The following SAMD4A variants were observed in gnomAD, a reference collection of about 807,000 sequenced individuals.
The protein encoded by SAMD4A is protein Smaug homolog 1.
SAMD4A carries 33 observed loss-of-function variants against 81.3 expected under a neutral mutation model. The ratio of observed to expected loss-of-function variants is 0.41; its 90% CI spans 0.31 to 0.54. SAMD4A has a LOEUF of 0.54. SAMD4A is among the 20% of genes least tolerant of loss of function. The pLI, the probability that SAMD4A is intolerant of heterozygous loss-of-function variation, is 0.37. For missense variants in SAMD4A, 854 were observed against 951.1 expected, an observed-to-expected ratio of 0.90 and a Z score of 1.34; for synonymous variants, 389 against 382.1, an observed-to-expected ratio of 1.02 and a Z score of -0.21.
At chr14:54,633,250 G>A (rs541907772) in intron 2 of SAMD4A, among the ~76,000 whole-genome samples, 8 of 152,288 alleles carry the variant, frequency 5.3e-5, no homozygotes, top group South Asian at 2.1e-4. Context: ...AGCCAGCCAC[G>A]TAAGATCTGG....
intron 2 of SAMD4A, among the ~76,000 whole-genome samples, chr14:54,615,727 T>A (rs946640288): frequency 6.6e-6 from 1 of 152,258 alleles, no homozygotes; most frequent in Non-Finnish European, 1.5e-5. Flanking sequence ...GTTCTCTATT[T>A]TAATGTTTAC....
At chr14:54,575,973 G>A (rs1487903881) in intron 2 of SAMD4A, among the ~76,000 whole-genome samples, 1 of 144,198 alleles carries the variant, frequency 6.9e-6, no homozygotes, top group South Asian at 2.3e-4. Context: ...GGAAAATGAG[G>A]CTCCAGGAAA....
At chr14:54,719,646 G>A (rs569972605) in intron 3 of SAMD4A, among the ~76,000 whole-genome samples, 12 of 152,310 alleles carry the variant, frequency 7.9e-5, no homozygotes, top group African/African-American at 2.6e-4. Flanking sequence ...ATATCAAGCT[G>A]TGGTTCAGAG....
At position 54,646,806 on chromosome 14, in the gene SAMD4A, G is replaced by C. The variant is rs566270449; in HGVS notation, c.197-55256G>C. 1.8e-4 allele frequency among the ~76,000 whole-genome samples: 27 copies of C among 152,320 alleles called. No homozygotes were observed. The South Asian group carries it at 5.4e-3, about 30-fold the overall frequency. ...GTTTTGTTTTTCAAATTTTTAAAAA[G>C]ACTAGTATGATTAGTTGTATCCTGC... On this transcript the variant is annotated intron_variant, in intron 2 of 12. Transcript: ENST00000554335.
At chr14:54,773,302 A>G (rs1470663688) in intron 9 of SAMD4A, among the ~76,000 whole-genome samples, 2 of 152,154 alleles carry the variant, frequency 1.3e-5, no homozygotes, top group East Asian at 1.9e-4. Context: ...GCAGGCCCCT[A>G]TCACCCTCAA....
At chr14:54,609,141 A>G (rs1229761977) in intron 2 of SAMD4A, among the ~76,000 whole-genome samples, 1 of 152,194 alleles carries the variant, frequency 6.6e-6, no homozygotes, top group Non-Finnish European at 1.5e-5. Flanking sequence ...GTTGAGTTTA[A>G]AATAGGAAGA....
At chr14:54,600,590 T>G (rs1179613634) in intron 2 of SAMD4A, among the ~76,000 whole-genome samples, 1 of 152,220 alleles carries the variant, frequency 6.6e-6, no homozygotes, top group African/African-American at 2.4e-5. Context: ...TTCTTTGTTG[T>G]CCAGAACTTT....
At chr14:54,663,359 G>A (rs868738003) in intron 2 of SAMD4A, among the ~76,000 whole-genome samples, 3 of 152,008 alleles carry the variant, frequency 2.0e-5, no homozygotes, top group African/African-American at 4.8e-5. Context: ...GATAGACCGC[G>A]GTCTAAAGTA....
chr14:54,591,136 C>T (rs915120324), intron 2 of SAMD4A, among the ~76,000 whole-genome samples: 3 of 152,028 alleles, frequency 2.0e-5, no homozygotes, highest in Admixed American at 6.5e-5. Flanking sequence ...AGGGGTACGT[C>T]GTGCGATACA....
intron 4 of SAMD4A, among the ~76,000 whole-genome samples, chr14:54,742,063 G>A (rs1258108876): frequency 6.6e-6 from 1 of 152,106 alleles, no homozygotes; most frequent in Non-Finnish European, 1.5e-5. Flanking sequence ...GTGCGGAAGG[G>A]ACAGAGGATT....
intron 2 of SAMD4A, among the ~76,000 whole-genome samples, chr14:54,609,969 C>T (rs1312167352): frequency 1.3e-5 from 2 of 152,062 alleles, no homozygotes; most frequent in African/African-American, 4.8e-5. Context: ...TTTTTGTTGG[C>T]GCTGCTGATA....
intron 2 of SAMD4A, among the ~76,000 whole-genome samples, chr14:54,680,369 C>T (rs1007769583): frequency 6.6e-6 from 1 of 152,150 alleles, no homozygotes; most frequent in African/African-American, 2.4e-5. Flanking sequence ...TGCTTCTTAC[C>T]AATGTGGTGT....
chr14:54,690,095 G>A (rs2036392941), intron 2 of SAMD4A: 1 of 152,236 alleles, frequency 6.6e-6, no homozygotes, highest in African/African-American at 2.4e-5. Context: ...CACTAACCTG[G>A]GTGAGGGAGT....
chr14:54,685,782 T>C (rs2036252853), intron 2 of SAMD4A: 1 of 456,562 alleles, frequency 2.2e-6, no homozygotes, highest in Non-Finnish European at 4.4e-6. Context: ...CCCTTCCATC[T>C]CCAGAATTCC....
intron 2 of SAMD4A, among the ~76,000 whole-genome samples, chr14:54,586,492 C>A (rs1187590): frequency 1.3e-5 from 2 of 152,062 alleles, no homozygotes; most frequent in Non-Finnish European, 2.9e-5. Flanking sequence ...TTGATCATGA[C>A]GTCTTTACCT....
Position 54,775,237 on chromosome 14 carries a change from G to A in SAMD4A, c.1917+102G>A. ...CAGGGTGGGGAGAGAGGCCAAAGGG[G>A]ACTATGCTGGGGGCAGTTGCCACCA... On this transcript the variant is annotated intron_variant, in intron 10 of 12. Transcript: ENST00000554335. 5 of 1,311,560 alleles carry A rather than the reference G, an allele frequency of 3.8e-6. 1 individual carries two copies. The South Asian group carries it at 4.9e-5, about 13-fold the overall frequency. The allele number at this position is 1,311,560 out of a possible 1,614,324, so 81.2% of individuals were successfully genotyped here.
At chr14:54,659,354 C>T (rs1410529150) in intron 2 of SAMD4A, among the ~76,000 whole-genome samples, 1 of 152,132 alleles carries the variant, frequency 6.6e-6, no homozygotes, top group Non-Finnish European at 1.5e-5. Context: ...ATGCCATCTT[C>T]CCTTGGTGGT....
At chr14:54,611,185 T>A (rs184473931) in intron 2 of SAMD4A, among the ~76,000 whole-genome samples, 1 of 152,328 alleles carries the variant, frequency 6.6e-6, no homozygotes, top group African/African-American at 2.4e-5. Flanking sequence ...GATTAGTTAA[T>A]GAAGAAGAAT....
chr14:54,637,759 C>T (rs1192592258), intron 2 of SAMD4A, among the ~76,000 whole-genome samples: 1 of 152,198 alleles, frequency 6.6e-6, no homozygotes, highest in Non-Finnish European at 1.5e-5. Context: ...AGTGATGTAC[C>T]TCTGACCCTA....
Sources: allele counts gnomAD v4.1 joint callset (sites outside exome capture counted in the v4.1 genomes callset), GRCh38; gene constraint gnomAD v4.1.1; transcripts MANE v1.5; gene names NCBI Gene and HGNC (gene_info 2026-07-23, HGNC 2026-07-21).